DSCAML1: variants seen among roughly 807,000 people sequenced by gnomAD.
DSCAML1 encodes DS cell adhesion molecule like 1, also known as cell adhesion molecule DSCAML1.
Under a neutral mutation model 200.5 loss-of-function variants are expected in DSCAML1, and 38 were observed. The ratio of observed to expected loss-of-function variants is 0.19; its 90% confidence interval spans 0.15 to 0.25. DSCAML1 has a LOEUF of 0.25. Among genes scored for constraint, DSCAML1 ranks in the 10% least tolerant of loss-of-function variants. The probability of loss-of-function intolerance (pLI) is 1.00; values close to 1 mark genes in which losing one functional copy is unlikely to be tolerated. For synonymous variants in DSCAML1, 1,215 were observed against 1,165.0 expected, an observed-to-expected ratio of 1.04 and a Z score of -0.87; for missense variants, 2,223 against 2,858.8, an observed-to-expected ratio of 0.78 and a Z score of 5.07.
At chr11:117,802,486 C>A (rs1223785787) in intron 1 of DSCAML1, among the ~76,000 whole-genome samples, 2 of 152,204 alleles carry the variant, frequency 1.3e-5, no homozygotes, top group Non-Finnish European at 2.9e-5. Flanking sequence ...ATTTAATGAC[C>A]AGATGGGCTC....
At chr11:117,590,091 C>T (rs1251998466) in intron 3 of DSCAML1, among the ~76,000 whole-genome samples, 1 of 152,166 alleles carries the variant, frequency 6.6e-6, no homozygotes, top group Non-Finnish European at 1.5e-5. Context: ...CCTTAAATCA[C>T]CAAACTTTTT....
At position 117,562,517 on chromosome 11, in the gene DSCAML1, C is replaced by T. The variant is rs190207131; in HGVS notation, c.512-29995G>A. ...CCCCACTTTGTGAGTGGCACCGAAACGACATGTGGGTCTCCTTGGCTGCAG... is the reference window on the plus strand; with the variant it reads ...CCCCACTTTGTGAGTGGCACCGAAATGACATGTGGGTCTCCTTGGCTGCAG... On this transcript the variant is annotated intron_variant, in intron 3 of 32. Transcript: ENST00000651296. Among the ~76,000 whole-genome samples the T allele has an allele frequency of 6.6e-5, 10 of 152,300 alleles. No homozygotes were observed. The East Asian group carries it at 1.2e-3, about 18-fold the overall frequency.
intron 3 of DSCAML1, among the ~76,000 whole-genome samples, chr11:117,770,341 C>T (rs1316186021): frequency 1.3e-5 from 2 of 152,126 alleles, no homozygotes; most frequent in Non-Finnish European, 2.9e-5. Flanking sequence ...GGTGACAATC[C>T]CAGCCACTTT....
chr11:117,648,532 G>A (rs1433453828), intron 3 of DSCAML1, among the ~76,000 whole-genome samples: 1 of 152,250 alleles, frequency 6.6e-6, no homozygotes, highest in African/African-American at 2.4e-5. Context: ...GGCCCTATAA[G>A]GGGAAGAGCA....
intron 3 of DSCAML1, among the ~76,000 whole-genome samples, chr11:117,594,700 AG>A (rs141597564): frequency 0.017 from 2,512 of 152,240 alleles, 61 homozygotes; most frequent in African/African-American, 0.056. Flanking sequence ...CTCCGTGGCC[AG>A]GCTACTCAGG....
chr11:117,522,009 C>G (rs1449690896), intron 5 of DSCAML1, among the ~76,000 whole-genome samples: 3 of 152,210 alleles, frequency 2.0e-5, no homozygotes. Context: ...TTCAGCATGG[C>G]ATTTGAGGCC....
At chr11:117,706,577 C>T (rs540487519) in intron 3 of DSCAML1, among the ~76,000 whole-genome samples, 4 of 152,318 alleles carry the variant, frequency 2.6e-5, no homozygotes, top group Non-Finnish European at 4.4e-5. Context: ...TGGTGCTCTG[C>T]AAGCCCTTTG....
intron 3 of DSCAML1, among the ~76,000 whole-genome samples, chr11:117,623,105 C>T (rs2051969635): frequency 6.6e-6 from 1 of 152,168 alleles, no homozygotes; most frequent in Non-Finnish European, 1.5e-5. Context: ...TCCTATGAGA[C>T]ATGAGAACCC....
At chr11:117,693,674 A>T (rs2053536614) in intron 3 of DSCAML1, among the ~76,000 whole-genome samples, 1 of 152,148 alleles carries the variant, frequency 6.6e-6, no homozygotes, top group Admixed American at 6.5e-5. Flanking sequence ...GCTGCATTTT[A>T]AAAAAAGAAA....
Position 117,501,386 on chromosome 11 carries a change from C to G in DSCAML1, c.2359+2459G>C, listed in dbSNP as rs538379966. Among the ~76,000 whole-genome samples, 9 of 152,258 alleles carry G rather than the reference C, an allele frequency of 5.9e-5. No homozygotes were observed. In the East Asian group the frequency reaches 1.5e-3, roughly 26 times the overall value. On this transcript the variant is annotated intron_variant, in intron 11 of 32. Transcript: ENST00000651296. ...AGTGTTGCCTTGTCACAGCAGTGTC[C>G]TCTGGCAGCCAGATACAGTGCAGAT...
chr11:117,718,089 G>C (rs2137787092), intron 3 of DSCAML1, among the ~76,000 whole-genome samples: 1 of 152,348 alleles, frequency 6.6e-6, no homozygotes, highest in African/African-American at 2.4e-5. Context: ...TTTAACGGCT[G>C]CACGTCCGTG....
At chr11:117,453,989 G>A (rs1358071725) in intron 19 of DSCAML1, among the ~76,000 whole-genome samples, 4 of 151,998 alleles carry the variant, frequency 2.6e-5, no homozygotes, top group African/African-American at 4.8e-5. Context: ...TGATCGACCC[G>A]CCTCAGCCTC....
chr11:117,697,420 AT>A (rs145105470), intron 3 of DSCAML1, among the ~76,000 whole-genome samples: 5 of 151,978 alleles, frequency 3.3e-5, no homozygotes, highest in South Asian at 2.1e-4. Flanking sequence ...TTTTTTCCAC[AT>A]TTTTTTTATT....
chr11:117,647,582 C>T (rs77928990), intron 3 of DSCAML1, among the ~76,000 whole-genome samples: 2,035 of 152,198 alleles, frequency 0.013, 56 homozygotes, highest in African/African-American at 0.045. Flanking sequence ...GAGGAAGAAA[C>T]TTACAGGAAA....
At chr11:117,481,898 G>C in intron 12 of DSCAML1, 65 bp downstream of exon 12, 1 of 1,591,888 alleles carries the variant, frequency 6.3e-7, no homozygotes. Context: ...ATGCAGATGT[G>C]ATAGCTGCGG....
rs1565281029 is a variant in DSCAML1, at chr11:117,780,302, A to AAGAAAG, written c.364+190_364+191insCTTTCT. ...AAAGAAAGAAAGAAAGAAAGAAAGA[A>AAGAAAG]AGAGAGAAAGGAGAAAGAAAGGTGT... On this transcript the variant is annotated intron_variant, in intron 2 of 32. Coordinates refer to ENST00000651296, the MANE Select transcript of DSCAML1 (RefSeq NM_020693.4). The surrounding 1 kb of genome is among the most constrained non-coding windows in gnomAD (Gnocchi z 4.8). 1.7e-5 allele frequency among the ~76,000 whole-genome samples: 2 copies of AAGAAAG among 115,192 alleles called. No individual in the cohort carries two copies. The highest frequency in any genetic ancestry group is 2.6e-4 in the East Asian group (1 of 3,838). The allele number at this position is 115,192 out of a possible 152,430, so 75.6% of individuals were successfully genotyped here.
intron 3 of DSCAML1, among the ~76,000 whole-genome samples, chr11:117,549,404 G>A (rs2050432079): frequency 6.6e-6 from 1 of 152,250 alleles, no homozygotes; most frequent in African/African-American, 2.4e-5. Context: ...ATGATTGAAT[G>A]AGCGCATGAA....
intron 3 of DSCAML1, among the ~76,000 whole-genome samples, chr11:117,678,404 G>A (rs1250930190): frequency 6.6e-6 from 1 of 152,224 alleles, no homozygotes; most frequent in Non-Finnish European, 1.5e-5. Flanking sequence ...TAGGACATGA[G>A]GATATGGCAA....
intron 11 of DSCAML1, among the ~76,000 whole-genome samples, chr11:117,495,300 C>G (rs542950344): frequency 2.1e-4 from 32 of 152,334 alleles, no homozygotes; most frequent in African/African-American, 7.0e-4. Context: ...TCCTCCCCAG[C>G]ACCTGGCTCA....
Sources: allele counts gnomAD v4.1 joint callset (sites outside exome capture counted in the v4.1 genomes callset), GRCh38; gene constraint gnomAD v4.1.1; non-coding constraint Gnocchi (gnomAD v3.1); transcripts MANE v1.5; gene names NCBI Gene and HGNC (gene_info 2026-07-23, HGNC 2026-07-21).